The following NDST4 variants were observed in gnomAD, a reference collection of about 807,000 sequenced individuals.
NDST4 encodes N-deacetylase and N-sulfotransferase 4.
NDST4 carries 63 observed loss-of-function variants against 100.8 expected under a neutral mutation model. The ratio of observed to expected loss-of-function variants is 0.62; its 90% CI spans 0.51 to 0.77. The LOEUF (loss-of-function observed/expected upper bound fraction) is 0.77, where lower values mean the gene tolerates loss of function less well. Among genes scored for constraint, NDST4 ranks in the 30% least tolerant of loss-of-function variants. NDST4 has a pLI of 0.00. For missense variants in NDST4, 943 were observed against 1,018.4 expected, an observed-to-expected ratio of 0.93 and a Z score of 1.01; for synonymous variants, 377 against 361.8, an observed-to-expected ratio of 1.04 and a Z score of -0.48.
chr4:114,944,698 T>A (rs1353740843), intron 4 of NDST4, among the ~76,000 whole-genome samples: 2 of 152,188 alleles, frequency 1.3e-5, no homozygotes, highest in Non-Finnish European at 2.9e-5. Context: ...TCCAATGGAC[T>A]GATTTTGATT....
At chr4:114,866,922 AG>A (rs1217731839) in intron 7 of NDST4, among the ~76,000 whole-genome samples, 13 of 152,162 alleles carry the variant, frequency 8.5e-5, no homozygotes, top group Non-Finnish European at 1.6e-4. Context: ...TAAAGTGAGG[AG>A]TTACCCCTGA....
intron 6 of NDST4, among the ~76,000 whole-genome samples, chr4:114,883,068 T>C (rs2126202159): frequency 6.6e-6 from 1 of 152,106 alleles, no homozygotes; most frequent in African/African-American, 2.4e-5. Flanking sequence ...TCTTTGTCAG[T>C]GGACTTGCCT....
intron 6 of NDST4, among the ~76,000 whole-genome samples, chr4:114,926,955 A>G (rs923650128): frequency 2.0e-5 from 3 of 152,036 alleles, no homozygotes; most frequent in African/African-American, 7.2e-5. Flanking sequence ...GCTTACATAC[A>G]TATGAATTCA....
intron 2 of NDST4, among the ~76,000 whole-genome samples, chr4:115,073,365 C>T (rs1433002135): frequency 6.6e-6 from 1 of 151,984 alleles, no homozygotes; most frequent in Non-Finnish European, 1.5e-5. Flanking sequence ...TCTGCACTTC[C>T]TTGTTCATTT....
At chr4:114,977,380 T>G in intron 2 of NDST4, 106 bp from the exon 3 acceptor site, 1 of 639,350 alleles carries the variant, frequency 1.6e-6, no homozygotes, top group African/African-American at 1.8e-5. Context: ...TGATATGAGC[T>G]TTCTTGTTTT....
intron 2 of NDST4, among the ~76,000 whole-genome samples, chr4:115,052,869 C>G (rs1728615994): frequency 6.6e-6 from 1 of 152,040 alleles, no homozygotes; most frequent in Non-Finnish European, 1.5e-5. Context: ...AAGTACCTGT[C>G]TAGAGGAAGA....
chr4:115,082,098 T>A (rs1052075071), intron 1 of NDST4, among the ~76,000 whole-genome samples: 4 of 152,072 alleles, frequency 2.6e-5, no homozygotes, highest in Non-Finnish European at 4.4e-5. Flanking sequence ...AAGGGAGGCT[T>A]TTGTAGGTGT....
intron 2 of NDST4, among the ~76,000 whole-genome samples, chr4:114,999,398 C>T (rs1399803136): frequency 6.6e-6 from 1 of 152,030 alleles, no homozygotes; most frequent in Admixed American, 6.6e-5. Flanking sequence ...ATATCTACTT[C>T]CTACTTTATG....
At chr4:114,849,637 GGAAGACATGTTAAAACACCTAGAAT>G (rs1292811096) in intron 8 of NDST4, among the ~76,000 whole-genome samples, 1 of 152,142 alleles carries the variant, frequency 6.6e-6, no homozygotes, top group Non-Finnish European at 1.5e-5. Context: ...CCACCTTGAT[GGAAGACATGTTAAAACACCTAGAAT>G]GAAACACTGT....
At chr4:114,937,076 A>G (rs2126226017) in intron 5 of NDST4, among the ~76,000 whole-genome samples, 1 of 152,376 alleles carries the variant, frequency 6.6e-6, no homozygotes, top group African/African-American at 2.4e-5. Flanking sequence ...TAATCTATAC[A>G]TAACTCATTC....
intron 6 of NDST4, among the ~76,000 whole-genome samples, chr4:114,912,509 T>C (rs1448435830): frequency 1.3e-5 from 2 of 152,182 alleles, no homozygotes; most frequent in East Asian, 1.9e-4. Context: ...GCTTGTCATG[T>C]TGGCAGTTAA....
At chr4:114,842,382 T>C (rs1723443675) in intron 10 of NDST4, among the ~76,000 whole-genome samples, 2 of 151,834 alleles carry the variant, frequency 1.3e-5, no homozygotes, top group South Asian at 4.2e-4. Flanking sequence ...TCTACATTCA[T>C]CCCCTCTTCT....
chr4:115,057,097 T>C (rs938065632), intron 2 of NDST4, among the ~76,000 whole-genome samples: 6 of 152,306 alleles, frequency 3.9e-5, no homozygotes, highest in African/African-American at 1.4e-4. Context: ...TTCGACATTA[T>C]ATAATCCCAG....
At chr4:115,055,175 T>C (rs1459714039) in intron 2 of NDST4, among the ~76,000 whole-genome samples, 1 of 152,118 alleles carries the variant, frequency 6.6e-6, no homozygotes, top group Non-Finnish European at 1.5e-5. Context: ...CTGTCTCCCA[T>C]CATTTCCAGA....
chr4:114,960,421 C>G (rs1460986142), intron 4 of NDST4, among the ~76,000 whole-genome samples: 4 of 151,828 alleles, frequency 2.6e-5, no homozygotes, highest in Admixed American at 2.0e-4. Flanking sequence ...GCCTGGCCAA[C>G]ATGGTGAAAC....
rs375918336 is a variant in NDST4, at chr4:115,010,105, G to A, written c.979-32831C>T. Among the ~76,000 whole-genome samples, 6 of 123,652 alleles carry A rather than the reference G, an allele frequency of 4.9e-5. 2 individuals carry two copies. The highest frequency in any genetic ancestry group is 1.0e-4 in the Non-Finnish European group (6 of 58,578). The allele number at this position is 123,652 out of a possible 152,430, so 81.1% of individuals were successfully genotyped here. A position where few individuals can be genotyped will look rare whatever the true frequency, so the allele number is the denominator to read the frequency against. On this transcript the variant is annotated intron_variant, in intron 2 of 13. Coordinates refer to ENST00000264363, the MANE Select transcript of NDST4 (RefSeq NM_022569.3). ...TGTTGGTGGGACTGTAAACTAGTTC[G>A]ACCATTGTGGAAGTCAGTGTGGCAA...
intron 12 of NDST4, among the ~76,000 whole-genome samples, chr4:114,831,601 A>G (rs1266524562): frequency 6.6e-6 from 1 of 152,168 alleles, no homozygotes; most frequent in African/African-American, 2.4e-5. Flanking sequence ...CTCTCAGGTA[A>G]TGCCGAGGTC....
At chr4:114,973,205 A>G (rs1053711653) in intron 3 of NDST4, among the ~76,000 whole-genome samples, 1 of 152,006 alleles carries the variant, frequency 6.6e-6, no homozygotes, top group Non-Finnish European at 1.5e-5. Flanking sequence ...TACCTAATAT[A>G]TACTTAAATT....
chr4:115,038,033 C>A (rs1379653497), intron 2 of NDST4, among the ~76,000 whole-genome samples: 1 of 152,102 alleles, frequency 6.6e-6, no homozygotes, highest in Non-Finnish European at 1.5e-5. Context: ...TTCAGAATAT[C>A]CTCCATGGAG....
Sources: allele counts gnomAD v4.1 joint callset (sites outside exome capture counted in the v4.1 genomes callset), GRCh38; gene constraint gnomAD v4.1.1; transcripts MANE v1.5; gene names NCBI Gene and HGNC (gene_info 2026-07-23, HGNC 2026-07-21).